Variants in DOCK3 observed in about 807,000 individuals in gnomAD.
DOCK3 encodes the protein dedicator of cytokinesis 3, also known as dedicator of cytokinesis protein 3.
DOCK3 carries 60 observed loss-of-function variants against 265.6 expected under a neutral mutation model. The ratio of observed to expected loss-of-function variants is 0.23; its 90% confidence interval spans 0.18 to 0.28. The LOEUF (loss-of-function observed/expected upper bound fraction) is 0.28, where lower values mean the gene tolerates loss of function less well. DOCK3 is among the 10% of genes least tolerant of loss of function. The probability of loss-of-function intolerance (pLI) is 1.00; values close to 1 mark genes in which losing one functional copy is unlikely to be tolerated. For missense variants in DOCK3, 1,981 were observed against 2,594.3 expected (o/e 0.76, Z 5.14); for synonymous variants, 881 against 938.0 (o/e 0.94, Z 1.11).
At chr3:50,880,879 T>TA (rs563404871) in intron 3 of DOCK3, among the ~76,000 whole-genome samples, 62 of 152,276 alleles carry the variant, frequency 4.1e-4, no homozygotes, top group African/African-American at 1.5e-3. Context: ...AAATCCTCAA[T>TA]AAAATACTGG....
chr3:51,019,239 T>C (rs1265630383), intron 5 of DOCK3, among the ~76,000 whole-genome samples: 2 of 151,914 alleles, frequency 1.3e-5, no homozygotes, highest in Non-Finnish European at 2.9e-5. Flanking sequence ...TTAGAAACTT[T>C]ATTGTTTTCC....
chr3:50,916,766 G>A (rs567891546), intron 4 of DOCK3, among the ~76,000 whole-genome samples: 10 of 149,674 alleles, frequency 6.7e-5, no homozygotes, highest in African/African-American at 2.5e-4. Flanking sequence ...CCGAGATTGC[G>A]CCACTACATT....
chr3:51,053,078 G>GATATATATATATATATATATAT (rs59382660), intron 5 of DOCK3, among the ~76,000 whole-genome samples: 2 of 43,810 alleles, frequency 4.6e-5, no homozygotes, highest in Non-Finnish European at 8.5e-5. Flanking sequence ...AAAAGTCAAA[G>GATATATATATATATATATATAT]ATATATATAT....
chr3:51,321,413 C>G (rs566178632), intron 32 of DOCK3, among the ~76,000 whole-genome samples: 2 of 152,124 alleles, frequency 1.3e-5, no homozygotes, highest in African/African-American at 2.4e-5. Flanking sequence ...AACCAGAATG[C>G]CTCTTCTCCT....
At chr3:50,792,899 A>G (rs897503757) in intron 2 of DOCK3, among the ~76,000 whole-genome samples, 3 of 152,076 alleles carry the variant, frequency 2.0e-5, no homozygotes, top group African/African-American at 7.2e-5. Context: ...CCAGGTTTTG[A>G]TATCAGGATG....
chr3:51,239,083 A>G (rs565934601), intron 21 of DOCK3, among the ~76,000 whole-genome samples: 4 of 152,338 alleles, frequency 2.6e-5, no homozygotes, highest in South Asian at 4.1e-4. Flanking sequence ...TCAACAGTAT[A>G]TAAGCATTCA....
intron 5 of DOCK3, among the ~76,000 whole-genome samples, chr3:50,940,275 G>T (rs920904330): frequency 4.5e-5 from 5 of 110,810 alleles, no homozygotes; most frequent in African/African-American, 1.4e-4. Flanking sequence ...AACATAGCAA[G>T]ATCCCATTTC....
At chr3:51,124,206 G>A (rs1005962451) in intron 9 of DOCK3, among the ~76,000 whole-genome samples, 1 of 152,092 alleles carries the variant, frequency 6.6e-6, no homozygotes, top group South Asian at 2.1e-4. Flanking sequence ...TTTGGAAATT[G>A]ATATAGTTTT....
chr3:50,769,842 A>G (rs1468749173), intron 1 of DOCK3, among the ~76,000 whole-genome samples: 1 of 151,188 alleles, frequency 6.6e-6, no homozygotes, highest in East Asian at 1.9e-4. Context: ...AGTTTTAGCC[A>G]GAGCAATTAG....
intron 5 of DOCK3, among the ~76,000 whole-genome samples, chr3:51,021,272 GAC>G (rs1302249799): frequency 2.7e-5 from 4 of 149,752 alleles, no homozygotes. Flanking sequence ...TCAACCCCAA[GAC>G]ACATAATCAT....
chr3:50,690,762 C>A (rs979797571), intron 1 of DOCK3, among the ~76,000 whole-genome samples: 1 of 151,836 alleles, frequency 6.6e-6, no homozygotes, highest in Non-Finnish European at 1.5e-5. Flanking sequence ...CCTGCCTCAG[C>A]CTCCCGAGTA....
At chr3:51,249,001 G>T (rs1187325688) in intron 22 of DOCK3, among the ~76,000 whole-genome samples, 1 of 143,874 alleles carries the variant, frequency 7.0e-6, no homozygotes, top group African/African-American at 2.6e-5. Context: ...CCCGGCAGCC[G>T]CCCCGTCTGA....
rs35332441 is a variant in DOCK3 at position 50,759,671 on chromosome 3, TAA to T, written c.38-18985_38-18984del. On this transcript the variant is annotated intron_variant, in intron 1 of 52. Coordinates refer to ENST00000266037, the MANE Select transcript of DOCK3 (RefSeq NM_004947.5). ...TGGGTGACAAGTAAGACCCCGTCTCTAAAAAAAAAAAAAAAAAAAATGGAAAA... is the reference window on the plus strand; with the variant it reads ...TGGGTGACAAGTAAGACCCCGTCTCTAAAAAAAAAAAAAAAAAATGGAAAA... Among the ~76,000 whole-genome samples the T allele has an allele frequency of 3.2e-3, 383 of 118,686 alleles. 1 individual carries two copies. Among genetic ancestry groups the T allele is most frequent in the Non-Finnish European group, 3.5e-3 (204 of 58,300 alleles). 77.9% of individuals were successfully genotyped at this position (118,686 alleles called of 152,430 possible). A position where few individuals can be genotyped will look rare whatever the true frequency, so the allele number is the denominator to read the frequency against.
At chr3:51,268,222 A>G (rs1399628483) in intron 23 of DOCK3, among the ~76,000 whole-genome samples, 3 of 152,186 alleles carry the variant, frequency 2.0e-5, no homozygotes, top group Admixed American at 6.5e-5. Flanking sequence ...GCTTTCTTAT[A>G]TTAAAACTAC....
At chr3:51,116,771 A>T (rs1222088947) in intron 9 of DOCK3, among the ~76,000 whole-genome samples, 1 of 152,078 alleles carries the variant, frequency 6.6e-6, no homozygotes, top group Non-Finnish European at 1.5e-5. Context: ...TTTGTTTATT[A>T]TTGGTGTATA....
chr3:50,889,066 GGT>G (rs36180907), intron 3 of DOCK3, among the ~76,000 whole-genome samples: 51,893 of 133,622 alleles, frequency 0.39, 10,108 homozygotes, highest in South Asian at 0.48. Context: ...TTAAGCCATG[GGT>G]GTGTGTGTGT....
intron 3 of DOCK3, among the ~76,000 whole-genome samples, chr3:50,878,751 A>G (rs2047857416): frequency 6.6e-6 from 1 of 152,216 alleles, no homozygotes; most frequent in African/African-American, 2.4e-5. Context: ...AGGCAGGCCA[A>G]CATTCAAATT....
At chr3:51,051,692 A>G (rs2080999735) in intron 5 of DOCK3, among the ~76,000 whole-genome samples, 1 of 152,178 alleles carries the variant, frequency 6.6e-6, no homozygotes, top group Non-Finnish European at 1.5e-5. Flanking sequence ...CTGTAAAGGA[A>G]TATGTGAGAT....
intron 5 of DOCK3, among the ~76,000 whole-genome samples, chr3:50,976,741 G>C (rs1205034163): frequency 6.7e-6 from 1 of 149,944 alleles, no homozygotes; most frequent in South Asian, 2.1e-4. Flanking sequence ...TTGACAGTGG[G>C]GTGTTAAAGT....
Sources: gnomAD v4.1 joint callset for allele counts (sites outside exome capture counted in the v4.1 genomes callset) on GRCh38, gnomAD v4.1.1 for gene constraint, MANE v1.5 for transcripts, NCBI Gene and HGNC (gene_info 2026-07-23, HGNC 2026-07-21) for gene names.